ZNF600: variants seen among roughly 807,000 people sequenced by gnomAD.
The protein encoded by ZNF600 is zinc finger protein KR-ZNF1.
Under a neutral mutation model 7.3 loss-of-function variants are expected in ZNF600, and 4 were observed. The ratio of observed to expected loss-of-function variants is 0.55; its 90% CI spans 0.27 to 1.25. The LOEUF (loss-of-function observed/expected upper bound fraction) is 1.25, where lower values mean the gene tolerates loss of function less well. Among genes scored for constraint, ZNF600 ranks in the 50% most tolerant of loss-of-function variants. The pLI is 0.12. For synonymous variants in ZNF600, 290 were observed against 308.9 expected, an observed-to-expected ratio of 0.94 and a Z score of 0.64; for missense variants, 911 against 922.1, an observed-to-expected ratio of 0.99 and a Z score of 0.16.
the ZNF600 span, among the ~76,000 whole-genome samples, chr19:52,804,623 A>G: frequency 6.6e-6 from 1 of 152,184 alleles, no homozygotes; most frequent in East Asian, 1.9e-4. Flanking sequence ...AACCGATCGC[A>G]GTCTCCCAAA....
chr19:52,801,102 T>C, the ZNF600 span: 6 of 1,614,194 alleles, frequency 3.7e-6, no homozygotes, highest in African/African-American at 1.3e-5. Context: ...TACCTTGCCA[T>C]ATACATCACA....
the ZNF600 span, chr19:52,797,729 T>C: frequency 2.6e-5 from 4 of 152,778 alleles, no homozygotes; most frequent in African/African-American, 9.7e-5. Flanking sequence ...ATACAATCCA[T>C]ACTGATTGGA....
upstream of ZNF600, among the ~76,000 whole-genome samples, chr19:52,789,622 C>T (rs979190232): frequency 6.6e-6 from 1 of 152,178 alleles, no homozygotes; most frequent in Non-Finnish European, 1.5e-5. Flanking sequence ...GAGGCTGTCT[C>T]ACACCTGGAA....
the ZNF600 span, chr19:52,809,868 G>C: frequency 1.5e-6 from 1 of 673,770 alleles, no homozygotes; most frequent in South Asian, 1.7e-5. Context: ...CACTGGGCCT[G>C]CGGGCGGTCC....
chr19:52,809,987 A>G, the ZNF600 span: 3 of 775,614 alleles, frequency 3.9e-6, no homozygotes, highest in Admixed American at 2.0e-5. Flanking sequence ...AGTCTGAGGA[A>G]CTGGAGCCTG....
chr19:52,816,864 T>C, the ZNF600 span, among the ~76,000 whole-genome samples: 18 of 132,312 alleles, frequency 1.4e-4, no homozygotes, highest in African/African-American at 4.8e-4. Flanking sequence ...ATAATAATAA[T>C]AATAATAAAA....
chr19:52,827,344 A>C, the ZNF600 span, among the ~76,000 whole-genome samples: 1 of 152,064 alleles, frequency 6.6e-6, no homozygotes, highest in African/African-American at 2.4e-5. Context: ...TCCAGAATGC[A>C]CAAGATATCA....
At chr19:52,775,418 T>C (rs531149569) in intron 2 of ZNF600, among the ~76,000 whole-genome samples, 7 of 151,026 alleles carry the variant, frequency 4.6e-5, no homozygotes, top group South Asian at 2.1e-4. Context: ...GGTGTCGTGG[T>C]GCAGGCCTGT....
At chr19:52,778,060 C>T (rs956686599) in intron 2 of ZNF600, among the ~76,000 whole-genome samples, 1 of 152,012 alleles carries the variant, frequency 6.6e-6, no homozygotes, top group African/African-American at 2.4e-5. Flanking sequence ...GTCTCCCAGG[C>T]TGGAGTGCAG....
At chr19:52,827,228 G>A in the ZNF600 span, among the ~76,000 whole-genome samples, 1 of 133,730 alleles carries the variant, frequency 7.5e-6, no homozygotes, top group African/African-American at 2.9e-5. Flanking sequence ...GGGCCATAGA[G>A]CAAAACCCTG....
At chr19:52,798,813 T>C in the ZNF600 span, 10 of 849,492 alleles carry the variant, frequency 1.2e-5, no homozygotes, top group Admixed American at 5.7e-5. Flanking sequence ...GCAATGGTTG[T>C]AGCATTACTG....
At chr19:52,779,671 C>T (rs1396740093) in intron 1 of ZNF600, among the ~76,000 whole-genome samples, 1 of 152,180 alleles carries the variant, frequency 6.6e-6, no homozygotes, top group Non-Finnish European at 1.5e-5. Context: ...GAGCCAGACT[C>T]CCCTTCTATT....
At chr19:52,825,742 T>G in the ZNF600 span, among the ~76,000 whole-genome samples, 2 of 151,994 alleles carry the variant, frequency 1.3e-5, no homozygotes, top group Non-Finnish European at 2.9e-5. Context: ...TCCCAGCACT[T>G]CGGGAGGCTG....
the ZNF600 span, among the ~76,000 whole-genome samples, chr19:52,804,864 T>C: frequency 1.3e-5 from 2 of 152,294 alleles, no homozygotes; most frequent in African/African-American, 4.8e-5. Context: ...GAGCATCTCA[T>C]CATCAACATC....
the ZNF600 span, chr19:52,798,685 A>AT: frequency 6.8e-6 from 3 of 442,826 alleles, no homozygotes; most frequent in Admixed American, 7.9e-5. Context: ...CATGACATTT[A>AT]TAAGGTTTCT....
At chr19:52,826,075 C>T in the ZNF600 span, among the ~76,000 whole-genome samples, 11 of 152,258 alleles carry the variant, frequency 7.2e-5, no homozygotes, top group Admixed American at 7.2e-4. Context: ...AGTGATTCCC[C>T]ATTGAGCCAA....
chr19:52,767,703 G>A, exon 4 of ZNF600: 1 of 1,613,048 alleles, frequency 6.2e-7, no homozygotes, highest in South Asian at 1.1e-5. Context: ...CAATGTCCCT[G>A]TGTGGATCAC....
the ZNF600 span, among the ~76,000 whole-genome samples, chr19:52,796,699 C>A: frequency 1.4e-4 from 21 of 152,188 alleles, no homozygotes; most frequent in Non-Finnish European, 4.4e-5. Context: ...AATACCGGGG[C>A]TCACATGACC....
At chr19:52,801,748 T>C in the ZNF600 span, 5 of 1,514,102 alleles carry the variant, frequency 3.3e-6, no homozygotes, top group Admixed American at 2.0e-5. Flanking sequence ...GTACAGATGG[T>C]GTATAATACT....
Sources: allele counts gnomAD v4.1 joint callset (sites outside exome capture counted in the v4.1 genomes callset), GRCh38; gene constraint gnomAD v4.1.1; transcripts MANE v1.5; gene names NCBI Gene and HGNC (gene_info 2026-07-23, HGNC 2026-07-21).